ALK: variants seen among roughly 807,000 people sequenced by gnomAD.
ALK encodes ALK receptor tyrosine kinase.
A neutral mutation model predicts 163.1 loss-of-function variants in ALK; 74 were observed. The ratio of observed to expected loss-of-function variants is 0.45; its 90% confidence interval spans 0.38 to 0.55. The LOEUF (loss-of-function observed/expected upper bound fraction) is 0.55, where lower values mean the gene tolerates loss of function less well. Among genes scored for constraint, ALK ranks in the 20% least tolerant of loss-of-function variants. ALK has a pLI of 0.00. For synonymous variants in ALK, 960 were observed against 843.2 expected, an observed-to-expected ratio of 1.14 and a Z score of -2.40; for missense variants, 2,063 against 2,105.3, an observed-to-expected ratio of 0.98 and a Z score of 0.39.
At chr2:29,888,161 T>A (rs1667032764) in intron 1 of ALK, among the ~76,000 whole-genome samples, 1 of 152,034 alleles carries the variant, frequency 6.6e-6, no homozygotes, top group Admixed American at 6.6e-5. Context: ...TTTCTGGCAA[T>A]ATAAGTCAAT....
chr2:29,788,274 A>T (rs1377910357), intron 1 of ALK, among the ~76,000 whole-genome samples: 1 of 152,164 alleles, frequency 6.6e-6, no homozygotes, highest in Non-Finnish European at 1.5e-5. Context: ...TCATGACAGG[A>T]AGGGCTACAA....
intron 11 of ALK, among the ~76,000 whole-genome samples, chr2:29,262,393 T>C (rs564010778): frequency 2.6e-5 from 4 of 152,346 alleles, no homozygotes; most frequent in Admixed American, 2.6e-4. Context: ...TATGCTTGCA[T>C]GTGCACCTGT....
chr2:29,222,388 A>G lies in ALK; in HGVS notation c.3471T>C (p.Ser1157=), dbSNP rs758185429. 2 of 1,614,138 alleles carry G rather than the reference A, an allele frequency of 1.2e-6. No homozygotes were observed. The highest frequency in any genetic ancestry group is 2.2e-5 in the East Asian group (1 of 44,876). Residue 1157 remains serine (S), a synonymous_variant, in exon 22 of 29, where the codon TCT becomes TCC. Transcript: ENST00000389048. The part of the protein sequence containing the change: ...VAVKTLPEVC[S]EQDELDFLME... ...TGAGGAAATCCAGTTCGTCCTGTTCAGAGCACACTTCAGGCAGCGTCTGGG... is the reference window on the plus strand; with the variant it reads ...TGAGGAAATCCAGTTCGTCCTGTTCGGAGCACACTTCAGGCAGCGTCTGGG...
chr2:29,282,457 C>G lies in ALK; in HGVS notation c.1818-6961G>C, dbSNP rs74692238. On this transcript the variant is annotated intron_variant, in intron 9 of 28. Transcript: ENST00000389048. ...TTGGCCATGTCAAACGCAATCATGGCTAGGAATGTGTGTCTTGGCTCTAGG... is the reference window on the plus strand; with the variant it reads ...TTGGCCATGTCAAACGCAATCATGGGTAGGAATGTGTGTCTTGGCTCTAGG... Among the ~76,000 whole-genome samples, 675 of 152,228 alleles carry G rather than the reference C, an allele frequency of 4.4e-3. 7 individuals are homozygous for G. The highest frequency in any genetic ancestry group is 0.015 in the African/African-American group (617 of 41,548).
At chr2:29,670,622 T>C (rs927596975) in intron 3 of ALK, among the ~76,000 whole-genome samples, 4 of 152,080 alleles carry the variant, frequency 2.6e-5, no homozygotes, top group Non-Finnish European at 5.9e-5. Context: ...TGGCTCCTTC[T>C]TGAACACCAA....
chr2:29,783,609 C>A (rs1291627301), intron 1 of ALK, among the ~76,000 whole-genome samples: 1 of 152,194 alleles, frequency 6.6e-6, no homozygotes, highest in Non-Finnish European at 1.5e-5. Context: ...TCCAGTCCAA[C>A]AATAAGAGAA....
chr2:29,598,280 C>G (rs1051717421), intron 3 of ALK, among the ~76,000 whole-genome samples: 1 of 152,216 alleles, frequency 6.6e-6, no homozygotes, highest in Non-Finnish European at 1.5e-5. Flanking sequence ...CCCACCTCGG[C>G]CTCCCAAAGT....
rs373572395 is a variant in ALK, at chr2:29,622,477, G to T, written c.952+72373C>A. ...ACTATCACGAGAATAGCACGGGAAAGACCAGTCCCCATGATTCACTTACCT... is the reference window on the plus strand; with the variant it reads ...ACTATCACGAGAATAGCACGGGAAATACCAGTCCCCATGATTCACTTACCT... On this transcript the variant is annotated intron_variant, in intron 3 of 28. Coordinates refer to ENST00000389048, the MANE Select transcript of ALK (RefSeq NM_004304.5). Among the ~76,000 whole-genome samples, 9 of 152,190 alleles carry T rather than the reference G, an allele frequency of 5.9e-5. No individual in the cohort carries two copies. In the East Asian group the frequency reaches 1.7e-3, roughly 29 times the overall value.
intron 23 of ALK, among the ~76,000 whole-genome samples, chr2:29,214,641 T>C (rs911699640): frequency 6.6e-6 from 1 of 152,218 alleles, no homozygotes; most frequent in Non-Finnish European, 1.5e-5. Flanking sequence ...CTCAAGCTTT[T>C]CCGCATGAGG....
At chr2:29,285,346 T>C (rs1665825589) in intron 9 of ALK, among the ~76,000 whole-genome samples, 1 of 151,804 alleles carries the variant, frequency 6.6e-6, no homozygotes, top group East Asian at 1.9e-4. Context: ...ACCTCCACTT[T>C]CCAGGTTCAA....
intron 6 of ALK, among the ~76,000 whole-genome samples, chr2:29,327,542 G>C (rs1667304616): frequency 6.6e-6 from 1 of 152,190 alleles, no homozygotes; most frequent in Non-Finnish European, 1.5e-5. Context: ...ATTAGTGGTT[G>C]GTTCAGGCTA....
At chr2:29,238,658 C>T (rs75881181) in intron 13 of ALK, among the ~76,000 whole-genome samples, 3 of 152,100 alleles carry the variant, frequency 2.0e-5, no homozygotes, top group Admixed American at 6.6e-5. Context: ...GAAGCCACAG[C>T]GAAGACCAGT....
rs1665372234 is a variant in ALK at position 29,830,989 on chromosome 2, AAGAAGAAGAAGAAGAAGAAGAAGG to A, written c.667+88980_667+89003del. ...GAAGAAGAAGAAGAAGAAGAAGAAG[AAGAAGAAGAAGAAGAAGAAGAAGG>A]GGAAGAGGAAGGGGAAGGAGGAGGA... is the stretch of plus-strand genomic sequence containing the variant. On this transcript the variant is annotated intron_variant, in intron 1 of 28. Coordinates refer to ENST00000389048, the MANE Select transcript of ALK (RefSeq NM_004304.5). Among the ~76,000 whole-genome samples, 2 of 54,148 alleles carry A rather than the reference AAGAAGAAGAAGAAGAAGAAGAAGG, an allele frequency of 3.7e-5. 1 individual carries two copies. The highest frequency in any genetic ancestry group is 1.2e-4 in the African/African-American group (2 of 16,704). 35.5% of individuals were successfully genotyped at this position (54,148 alleles called of 152,430 possible). A position where few individuals can be genotyped will look rare whatever the true frequency, so the allele number is the denominator to read the frequency against.
intron 1 of ALK, among the ~76,000 whole-genome samples, chr2:29,765,043 A>G (rs75630659): frequency 0.012 from 1,787 of 152,166 alleles, 11 homozygotes; most frequent in Middle Eastern, 0.027. Context: ...GCCACATATG[A>G]CGTGCCTGCT....
At chr2:29,786,700 T>C (rs182797895) in intron 1 of ALK, among the ~76,000 whole-genome samples, 7 of 152,328 alleles carry the variant, frequency 4.6e-5, no homozygotes, top group African/African-American at 1.4e-4. Flanking sequence ...TAAATGCTAA[T>C]GAAAAGTTCC....
chr2:29,863,626 A>G (rs1274736357), intron 1 of ALK, among the ~76,000 whole-genome samples: 1 of 152,152 alleles, frequency 6.6e-6, no homozygotes, highest in African/African-American at 2.4e-5. Context: ...TAAATAAATA[A>G]CAAGTGTTGC....
At chr2:29,488,809 C>T (rs571586226) in intron 4 of ALK, among the ~76,000 whole-genome samples, 55 of 152,286 alleles carry the variant, frequency 3.6e-4, no homozygotes, top group East Asian at 1.9e-3. Flanking sequence ...CTTGTTATCA[C>T]GGCCCGGTCT....
intron 4 of ALK, among the ~76,000 whole-genome samples, chr2:29,471,740 C>CA (rs1671351461): frequency 6.9e-6 from 1 of 145,624 alleles, no homozygotes. Flanking sequence ...ACTTTCTTTT[C>CA]TTTTTTTTTT....
At chr2:29,650,519 A>C (rs1677009049) in intron 3 of ALK, among the ~76,000 whole-genome samples, 1 of 152,100 alleles carries the variant, frequency 6.6e-6, no homozygotes, top group African/African-American at 2.4e-5. Context: ...TTAACAATCG[A>C]CTTCCTAGTA....
Sources: gnomAD v4.1 joint callset for allele counts (sites outside exome capture counted in the v4.1 genomes callset) on GRCh38, gnomAD v4.1.1 for gene constraint, MANE v1.5 for transcripts, NCBI Gene and HGNC (gene_info 2026-07-23, HGNC 2026-07-21) for gene names.